The following TOX2 variants were observed in gnomAD, a reference collection of about 807,000 sequenced individuals.
TOX2 encodes the protein granulosa cell HMG box 1.
In TOX2, 15 loss-of-function variants were observed where a neutral mutation model predicts 47.4. That is an observed-to-expected ratio of 0.32 (90% CI 0.21 to 0.49). The LOEUF (loss-of-function observed/expected upper bound fraction) is 0.49. TOX2 is among the 20% of genes least tolerant of loss of function. The pLI is 0.99. For synonymous variants in TOX2, 290 were observed against 296.6 expected, an observed-to-expected ratio of 0.98 and a Z score of 0.23; for missense variants, 622 against 673.1, an observed-to-expected ratio of 0.92 and a Z score of 0.84.
Position 43,915,076 on chromosome 20 carries a change from G to A in TOX2, c.99+86G>A, listed in dbSNP as rs1230495909. 5 of 811,824 alleles carry A rather than the reference G, an allele frequency of 6.2e-6. No individual in the cohort carries two copies. In the African/African-American group the frequency reaches 9.3e-5, roughly 15 times the overall value. The allele number at this position is 811,824 out of a possible 1,614,324, so 50.3% of individuals were successfully genotyped here. ...ACTCAGGCGCTCCCGGGGTCACACG[G>A]GGCCGCGCACATCAGCCCCGCCGAC... On this transcript the variant is annotated intron_variant, in intron 1 of 8. Transcript: ENST00000341197. The surrounding 1 kb of genome is among the most constrained non-coding windows in gnomAD (Gnocchi z 7.1).
At chr20:43,946,457 A>G (rs945908156) in intron 1 of TOX2, among the ~76,000 whole-genome samples, 3 of 152,174 alleles carry the variant, frequency 2.0e-5, no homozygotes, top group South Asian at 2.1e-4. Context: ...GAAGAGTGAC[A>G]GGGGCCTTCC....
At chr20:43,922,217 C>T (rs140084421) in intron 1 of TOX2, among the ~76,000 whole-genome samples, 26 of 152,290 alleles carry the variant, frequency 1.7e-4, no homozygotes, top group Admixed American at 3.3e-4. Context: ...TTCCCAGCCT[C>T]GGCGCTATTG....
intron 3 of TOX2, among the ~76,000 whole-genome samples, chr20:44,044,289 G>A (rs1260526339): frequency 6.6e-6 from 1 of 152,062 alleles, no homozygotes; most frequent in Non-Finnish European, 1.5e-5. Context: ...GGGGGCGGTT[G>A]TGGGGAGGGA....
intron 1 of TOX2, among the ~76,000 whole-genome samples, chr20:43,941,755 T>C (rs1167212763): frequency 6.6e-6 from 1 of 152,158 alleles, no homozygotes; most frequent in East Asian, 1.9e-4. Flanking sequence ...CAGGAAGAGC[T>C]CAGCTCTCTG....
intron 1 of TOX2, among the ~76,000 whole-genome samples, chr20:43,953,173 C>T (rs1938064841): frequency 6.6e-6 from 1 of 152,106 alleles, no homozygotes; most frequent in South Asian, 2.1e-4. Flanking sequence ...CCTGATGACA[C>T]CTTGGTTTTA....
intron 1 of TOX2, among the ~76,000 whole-genome samples, chr20:43,943,981 G>C (rs2069433829): frequency 6.6e-6 from 1 of 152,152 alleles, no homozygotes. Context: ...ATCATCCTAA[G>C]CTTATATAAA....
chr20:44,028,970 C>A (rs538011995), intron 3 of TOX2, among the ~76,000 whole-genome samples: 2 of 152,152 alleles, frequency 1.3e-5, no homozygotes, highest in Non-Finnish European at 2.9e-5. Context: ...CTGGGCCATC[C>A]CCCACTCACA....
At chr20:44,067,452 TG>T (rs2071847423) in intron 8 of TOX2, among the ~76,000 whole-genome samples, 3 of 151,932 alleles carry the variant, frequency 2.0e-5, no homozygotes, top group Non-Finnish European at 4.4e-5. Flanking sequence ...TGTAGCCCAC[TG>T]GGCAGGGCAG....
intron 1 of TOX2, among the ~76,000 whole-genome samples, chr20:43,922,451 C>A (rs146839981): frequency 8.4e-4 from 128 of 152,248 alleles, no homozygotes; most frequent in African/African-American, 2.8e-3. Flanking sequence ...ATTGCAGCAC[C>A]ACAGCAGGCA....
At chr20:44,026,515 A>G (rs1336059339) in intron 3 of TOX2, among the ~76,000 whole-genome samples, 3 of 151,812 alleles carry the variant, frequency 2.0e-5, no homozygotes, top group Non-Finnish European at 4.4e-5. Context: ...ATTTTGAACT[A>G]AAAATTACTC....
At chr20:43,930,327 G>C (rs2069236577) in intron 1 of TOX2, among the ~76,000 whole-genome samples, 1 of 152,190 alleles carries the variant, frequency 6.6e-6, no homozygotes, top group Admixed American at 6.5e-5. Context: ...ACACATATAT[G>C]TGAGGGACAC....
intron 5 of TOX2, among the ~76,000 whole-genome samples, chr20:44,056,991 C>G (rs2071630638): frequency 6.6e-6 from 1 of 152,188 alleles, no homozygotes; most frequent in Non-Finnish European, 1.5e-5. Context: ...CTCACTGCAG[C>G]CTTGAACTCC....
rs141754591 is a variant in TOX2 at position 44,049,503 on chromosome 20, A to G, written c.412-1803A>G. On this transcript the variant is annotated intron_variant, in intron 3 of 8. Transcript: ENST00000341197. ...CTCTTCTTTTTGTTAGCCTTTTTAA[A>G]TTTAAGCTCCAGGGTATATATGCAG... 3.2e-3 allele frequency among the ~76,000 whole-genome samples: 480 copies of G among 152,302 alleles called. 3 individuals are homozygous for G. The highest frequency in any genetic ancestry group is 0.011 in the African/African-American group (450 of 41,546).
chr20:43,930,070 C>T (rs1195943564), intron 1 of TOX2, among the ~76,000 whole-genome samples: 1 of 152,206 alleles, frequency 6.6e-6, no homozygotes, highest in African/African-American at 2.4e-5. Flanking sequence ...GCTCCCCCTT[C>T]AGGATAATAA....
intron 3 of TOX2, among the ~76,000 whole-genome samples, chr20:44,021,067 T>C (rs2070967828): frequency 6.6e-6 from 1 of 152,060 alleles, no homozygotes; most frequent in South Asian, 2.1e-4. Flanking sequence ...CCTGGGGTGC[T>C]TCATGGGCAA....
chr20:44,050,214 T>TACA (rs1468942635), intron 3 of TOX2, among the ~76,000 whole-genome samples: 1 of 152,058 alleles, frequency 6.6e-6, no homozygotes, highest in African/African-American at 2.4e-5. Context: ...AAAAATAAAA[T>TACA]ACAACTCAAA....
At chr20:43,972,040 A>G (rs745654825) in intron 1 of TOX2, among the ~76,000 whole-genome samples, 5 of 152,210 alleles carry the variant, frequency 3.3e-5, no homozygotes, top group Non-Finnish European at 5.9e-5. Flanking sequence ...TTAAAATAAA[A>G]TGGCTGTTTG....
At chr20:44,029,273 C>T (rs888596756) in intron 3 of TOX2, among the ~76,000 whole-genome samples, 15 of 152,208 alleles carry the variant, frequency 9.9e-5, no homozygotes, top group Admixed American at 3.3e-4. Flanking sequence ...CAAAACAAGA[C>T]GGATATTGCT....
intron 3 of TOX2, among the ~76,000 whole-genome samples, chr20:44,016,038 G>A (rs1039629606): frequency 2.0e-5 from 3 of 151,972 alleles, no homozygotes; most frequent in Non-Finnish European, 4.4e-5. Context: ...AACAAAACAT[G>A]TTCTTTTCCA....
Sources: gnomAD v4.1 joint callset for allele counts (sites outside exome capture counted in the v4.1 genomes callset) on GRCh38, gnomAD v4.1.1 for gene constraint, Gnocchi (gnomAD v3.1) non-coding constraint, MANE v1.5 for transcripts, NCBI Gene and HGNC (gene_info 2026-07-23, HGNC 2026-07-21) for gene names.